BAZ2B: variants seen among roughly 807,000 people sequenced by gnomAD.
BAZ2B encodes bromodomain adjacent to zinc finger domain protein 2B.
BAZ2B carries 91 observed loss-of-function variants against 246.0 expected under a neutral mutation model. The ratio of observed to expected loss-of-function variants is 0.37; its 90% CI spans 0.31 to 0.44. BAZ2B has a LOEUF of 0.44. Among genes scored for constraint, BAZ2B ranks in the 20% least tolerant of loss-of-function variants. BAZ2B has a pLI of 1.00. For missense variants in BAZ2B, 2,332 were observed against 2,533.7 expected (o/e 0.92, Z 1.71); for synonymous variants, 855 against 860.0 (o/e 0.99, Z 0.10).
At chr2:159,316,015 A>G (rs1455165461), downstream of BAZ2B, among the ~76,000 whole-genome samples, 2 of 152,242 alleles carry the variant, frequency 1.3e-5, no homozygotes, top group African/African-American at 4.8e-5. Context: ...GCATAATACA[A>G]CTGATATGTC....
intron 22 of BAZ2B, among the ~76,000 whole-genome samples, chr2:159,385,768 T>G (rs917585932): frequency 3.3e-5 from 5 of 152,120 alleles, no homozygotes; most frequent in Non-Finnish European, 4.4e-5. Flanking sequence ...TAAAGTGTTA[T>G]AGGTTTTACT....
chr2:159,354,973 T>C (rs953268964), intron 27 of BAZ2B, among the ~76,000 whole-genome samples: 2 of 152,350 alleles, frequency 1.3e-5, no homozygotes. Flanking sequence ...AAAGAAGCTA[T>C]GTCTTCTTGA....
In BAZ2B at chr2:159,448,964, T is replaced by C. The variant is rs2074648915; in HGVS notation, c.335-555A>G. On this transcript the variant is annotated intron_variant, in intron 4 of 36. Coordinates refer to ENST00000392783, the MANE Select transcript of BAZ2B (RefSeq NM_013450.4). ...ATATAGCAAAATCAGTAGGCCTTTTTATGTTCTAAAAAATAAGTTCTCAAA... is the reference window on the plus strand; with the variant it reads ...ATATAGCAAAATCAGTAGGCCTTTTCATGTTCTAAAAAATAAGTTCTCAAA... Among the ~76,000 whole-genome samples the C allele has an allele frequency of 2.0e-5, 3 of 152,280 alleles. No individual in the cohort carries two copies. In the South Asian group the frequency reaches 6.2e-4, roughly 32 times the overall value.
At chr2:159,488,830 A>G (rs1218852388) in intron 2 of BAZ2B, among the ~76,000 whole-genome samples, 1 of 152,198 alleles carries the variant, frequency 6.6e-6, no homozygotes, top group Non-Finnish European at 1.5e-5. Context: ...TACTTTAGGA[A>G]GCTGATTAAT....
rs191861989 is a variant in BAZ2B, at chr2:159,383,684, C to T, written c.3687-4G>A. ...ATCAATGTTCTTGTCGATTTCACTG[C>T]CAATGCAAGAATTTATTAAAAAGTG... On this transcript the variant is annotated splice_region_variant and splice_polypyrimidine_tract_variant and intron_variant, in intron 23 of 36. Coordinates refer to ENST00000392783, the MANE Select transcript of BAZ2B (RefSeq NM_013450.4). 1.3e-3 allele frequency: 2,158 copies of T among 1,606,714 alleles called. 3 individuals carry two copies. Among genetic ancestry groups the T allele is most frequent in the Non-Finnish European group, 1.7e-3 (1,970 of 1,175,794 alleles).
Position 159,324,944 on chromosome 2 carries a change from T to G in BAZ2B, c.6220A>C (p.Thr2074Pro). ...KDLALCSMIL[T>P]EMETHEDAWP... Reference sequence around the variant, plus strand: ...GCATCCTCATGAGTTTCCATTTCAGTCAGAATCATACTAAAGAAAATAATG... The same window carrying G: ...GCATCCTCATGAGTTTCCATTTCAGGCAGAATCATACTAAAGAAAATAATG... The change falls in exon 36 of 37, where the codon ACT becomes CCT. Residue 2074 changes from threonine (T) to proline (P), a missense_variant. Around this residue, in one of 9 missense-constraint regions of BAZ2B, gnomAD observed 210 missense variants for 232.5 expected, o/e 0.90. Coordinates refer to ENST00000392783, the MANE Select transcript of BAZ2B (RefSeq NM_013450.4). 6.5e-7 allele frequency: 1 copy of G among 1,539,080 alleles called. No individual in the cohort carries two copies. Among genetic ancestry groups the G allele is most frequent in the Non-Finnish European group, 8.7e-7 (1 of 1,153,910 alleles).
intron 2 of BAZ2B, among the ~76,000 whole-genome samples, chr2:159,555,167 C>T (rs1336693475): frequency 1.1e-4 from 16 of 150,310 alleles, no homozygotes; most frequent in African/African-American, 3.9e-4. Context: ...TCTCAGCTCA[C>T]TGCAACCTCC....
intron 3 of BAZ2B, among the ~76,000 whole-genome samples, chr2:159,471,459 G>T (rs973365403): frequency 2.6e-5 from 4 of 152,060 alleles, no homozygotes; most frequent in African/African-American, 9.7e-5. Context: ...AATTAGCTGT[G>T]CTTGCCTGTA....
intron 2 of BAZ2B, among the ~76,000 whole-genome samples, chr2:159,511,349 A>C (rs2082899515): frequency 6.6e-6 from 1 of 151,992 alleles, no homozygotes; most frequent in Admixed American, 6.6e-5. Flanking sequence ...GATTACAGGC[A>C]CCCAACACCA....
At position 159,385,185 on chromosome 2, in the gene BAZ2B, T is replaced by C. The variant is rs775218123; in HGVS notation, c.3656A>G (p.Asn1219Ser). ...QKASVLAFLINELACSKSVVS... is the reference protein window; with the variant it reads ...QKASVLAFLISELACSKSVVS... ...CACACTCTTGCTGCATGCCAGTTCA[T>C]TGATCAGGAAAGCCAGGACTGAAGC... Residue 1219 changes from asparagine (N) to serine (S), a missense_variant, in exon 23 of 37, where the codon AAT becomes AGT. Asn to Ser is a conservative substitution (Grantham distance 46). Around this residue, in one of 9 missense-constraint regions of BAZ2B, gnomAD observed 328 missense variants for 410.4 expected, o/e 0.80. Transcript: ENST00000392783. 1.9e-5 allele frequency: 31 copies of C among 1,613,400 alleles called. 1 individual carries two copies. The South Asian group carries it at 3.0e-4, about 15-fold the overall frequency.
Position 159,433,353 on chromosome 2 carries a change from T to C in BAZ2B, c.1304A>G (p.Lys435Arg), listed in dbSNP as rs1483933425. 1 of 1,609,852 alleles carries C rather than the reference T, an allele frequency of 6.2e-7. No individual in the cohort carries two copies. The highest frequency in any genetic ancestry group is 2.2e-5 in the East Asian group (1 of 44,840). Residue 435 changes from lysine (K) to arginine (R), a missense_variant, in exon 9 of 37, where the codon AAA (lysine) becomes AGA (arginine). Around this residue, in one of 9 missense-constraint regions of BAZ2B, gnomAD observed 651 missense variants for 650.9 expected, o/e 1.00. Coordinates refer to ENST00000392783, the MANE Select transcript of BAZ2B (RefSeq NM_013450.4). ...CTTTAACTGTGATGGGAATGCCTGT[T>C]TATATTGTTCCTGTTGAAACATAAG... ...SELRSKREQY[K>R]QAFPSQLKKQ...
At chr2:159,426,320 G>A (rs972780317) in intron 13 of BAZ2B, among the ~76,000 whole-genome samples, 2 of 151,970 alleles carry the variant, frequency 1.3e-5, no homozygotes, top group African/African-American at 4.8e-5. Context: ...TTTCCTCTCC[G>A]AACAAAAATC....
chr2:159,568,006 T>C (rs1311765944), intron 1 of BAZ2B, among the ~76,000 whole-genome samples: 1 of 152,052 alleles, frequency 6.6e-6, no homozygotes, highest in African/African-American at 2.4e-5. Context: ...AAAATCACAA[T>C]AAATTTTTTT....
rs138301603 is a variant in BAZ2B at position 159,605,126 on chromosome 2, C to T, written c.-46+11116G>A. ...CATTGCAGCCTTGAGCTCCTGGGTTCGAGCAATCCTTCCACTTCAGCCTCC... is the reference window on the plus strand; with the variant it reads ...CATTGCAGCCTTGAGCTCCTGGGTTTGAGCAATCCTTCCACTTCAGCCTCC... On this transcript the variant is annotated intron_variant, in intron 1 of 36. Coordinates refer to ENST00000392783, the MANE Select transcript of BAZ2B (RefSeq NM_013450.4). 5.9e-5 allele frequency among the ~76,000 whole-genome samples: 9 copies of T among 152,048 alleles called. No homozygotes were observed. The East Asian group carries it at 1.4e-3, about 23-fold the overall frequency.
At chr2:159,650,648 C>T in the BAZ2B span, among the ~76,000 whole-genome samples, 543 of 152,286 alleles carry the variant, frequency 3.6e-3, 3 homozygotes, top group South Asian at 0.033. Context: ...TGACAAGGAT[C>T]TTCTGCAGAT....
rs977705700 is a variant in BAZ2B, at chr2:159,605,154, A to G, written c.-46+11088T>C. ...GCAATCCTTCCACTTCAGCCTCCCA[A>G]GTAGCCAGGCCTACGGGTGCATGCC... is the stretch of plus-strand genomic sequence containing the variant. On this transcript the variant is annotated intron_variant, in intron 1 of 36. Transcript: ENST00000392783. 3.9e-5 allele frequency among the ~76,000 whole-genome samples: 6 copies of G among 151,944 alleles called. No homozygotes were observed. In the South Asian group the frequency reaches 1.2e-3, roughly 32 times the overall value.
At chr2:159,325,385 C>T (rs184354907) in intron 35 of BAZ2B, among the ~76,000 whole-genome samples, 2 of 151,360 alleles carry the variant, frequency 1.3e-5, no homozygotes, top group East Asian at 3.9e-4. Context: ...CCTGTCTTGA[C>T]CTCTCAAAGT....
Position 159,349,798 on chromosome 2 carries a change from T to C in BAZ2B, c.4773A>G (p.Pro1591=). ...CTGGGGTAGGTGAAGGTGACTTAGA[T>C]GGTGGCTGAGACTGAGGAGTCACCA... ...ASLVTPQSQP[P]SKSPSPTPAP... Residue 1591 remains proline (P), a synonymous_variant, in exon 28 of 37, where the codon CCA becomes CCG. Coordinates refer to ENST00000392783, the MANE Select transcript of BAZ2B (RefSeq NM_013450.4). The C allele has an allele frequency of 6.2e-7, 1 of 1,614,158 alleles. No homozygotes were observed. The highest frequency in any genetic ancestry group is 1.7e-4 in the Middle Eastern group (1 of 6,060).
Position 159,438,377 on chromosome 2 carries a change from CAGG to C in BAZ2B, c.1216_1218del (p.Pro406del). 1 of 1,614,088 alleles carries C rather than the reference CAGG, an allele frequency of 6.2e-7. No homozygotes were observed. The highest frequency in any genetic ancestry group is 2.2e-5 in the East Asian group (1 of 44,880). On this transcript the variant is annotated inframe_deletion, in exon 8 of 37. Coordinates refer to ENST00000392783, the MANE Select transcript of BAZ2B (RefSeq NM_013450.4). ...TTTTTATTCCCTGCTTTAAGAACAT[CAGG>C]AGAAGGAACTATGAGTTTCATGTAA...
Sources: gnomAD v4.1 joint callset for allele counts (sites outside exome capture counted in the v4.1 genomes callset) on GRCh38, gnomAD v4.1.1 for gene constraint, gnomAD v4.1.1 regional missense constraint, MANE v1.5 for transcripts, NCBI Gene and HGNC (gene_info 2026-07-23, HGNC 2026-07-21) for gene names.